The following RAD17 variants were observed in gnomAD, a reference collection of about 807,000 sequenced individuals.
RAD17 encodes the protein RAD17 checkpoint clamp loader component.
A neutral mutation model predicts 81.5 loss-of-function variants in RAD17; 31 were observed. The observed-to-expected ratio is 0.38, with a 90% CI of 0.29 to 0.51. The LOEUF is 0.51. Among genes scored for constraint, RAD17 ranks in the 20% least tolerant of loss-of-function variants. The probability of loss-of-function intolerance (pLI) is 0.88; values close to 1 mark genes in which losing one functional copy is unlikely to be tolerated. For synonymous variants in RAD17, 261 were observed against 266.2 expected (o/e 0.98, Z 0.19); for missense variants, 681 against 781.2 (o/e 0.87, Z 1.53).
At position 69,393,507 on chromosome 5, in the gene RAD17, C is replaced by T; in HGVS notation, c.1422+7C>T. On this transcript the variant is annotated splice_region_variant and intron_variant, in intron 15 of 18. Transcript: ENST00000354868. ...CCTCAGTGGTGACTGGAATGTAAGA[C>T]CATTTGACTTAAAATGTTTATGTTT... 6.3e-7 allele frequency: 1 copy of T among 1,587,518 alleles called. No individual in the cohort carries two copies. The highest frequency in any genetic ancestry group is 1.2e-5 in the South Asian group (1 of 85,968).
chr5:69,386,117 TA>T (rs760067981), intron 9 of RAD17, 22 bp downstream of exon 9: 2 of 1,602,756 alleles, frequency 1.2e-6, no homozygotes, highest in South Asian at 2.3e-5. Context: ...TGAAGTATTC[TA>T]AAACTCCAAA....
At chr5:69,414,004 T>C in intron 18 of RAD17, 27 bp from the exon 19 acceptor site, 2 of 1,607,358 alleles carry the variant, frequency 1.2e-6, no homozygotes, top group Non-Finnish European at 1.7e-6. Context: ...TTGGTTCTTA[T>C]TAATGCCTGC....
Position 69,374,723 on chromosome 5 carries a change from A to AGT in RAD17, c.351+12_351+13insGT. ...GGCAACCAAAACAGGTAACTAAGAA[A>AGT]TGTGTTTTTAAATATTTAACATCAA... is the stretch of plus-strand genomic sequence containing the variant. On this transcript the variant is annotated intron_variant, in intron 6 of 18. Transcript: ENST00000354868. 6.3e-7 allele frequency: 1 copy of AGT among 1,579,426 alleles called. No homozygotes were observed. Among genetic ancestry groups the AGT allele is most frequent in the Non-Finnish European group, 8.7e-7 (1 of 1,154,852 alleles).
chr5:69,399,656 G>A (rs1241857354), intron 16 of RAD17, among the ~76,000 whole-genome samples: 1 of 149,856 alleles, frequency 6.7e-6, no homozygotes, highest in Non-Finnish European at 1.5e-5. Context: ...TTGAAGGCAG[G>A]GATTGTGCTT....
At chr5:69,394,621 A>G (rs552759785) in intron 15 of RAD17, among the ~76,000 whole-genome samples, 1 of 152,306 alleles carries the variant, frequency 6.6e-6, no homozygotes, top group South Asian at 2.1e-4. Flanking sequence ...TTCCTCAGTC[A>G]TACTAGCCAC....
chr5:69,372,564 T>G (rs1027893052), intron 4 of RAD17, among the ~76,000 whole-genome samples: 1 of 152,164 alleles, frequency 6.6e-6, no homozygotes, highest in African/African-American at 2.4e-5. Flanking sequence ...TAGTAAAAAT[T>G]TCTAATTTCT....
chr5:69,379,908 T>G (rs1763741572), intron 6 of RAD17, among the ~76,000 whole-genome samples: 1 of 151,944 alleles, frequency 6.6e-6, no homozygotes, highest in Non-Finnish European at 1.5e-5. Flanking sequence ...TTGACAGAGT[T>G]TCACTCTTGT....
At chr5:69,394,826 C>T (rs955964587) in intron 15 of RAD17, among the ~76,000 whole-genome samples, 10 of 152,092 alleles carry the variant, frequency 6.6e-5, no homozygotes, top group Non-Finnish European at 1.3e-4. Flanking sequence ...TTAAGGAGGC[C>T]GAGGCAGGTG....
chr5:69,369,535 T>C (rs755470324), upstream of RAD17: 5 of 1,610,982 alleles, frequency 3.1e-6, no homozygotes, highest in Non-Finnish European at 4.2e-6. Context: ...ACGTGCCCTT[T>C]GCTCTACAGG....
chr5:69,377,811 G>T (rs1763610505), intron 6 of RAD17, among the ~76,000 whole-genome samples: 1 of 151,042 alleles, frequency 6.6e-6, no homozygotes, highest in African/African-American at 2.4e-5. Flanking sequence ...TTTAGAGACA[G>T]GGTCTTGCTA....
chr5:69,389,653 T>A (rs1385607166), intron 12 of RAD17, among the ~76,000 whole-genome samples: 1 of 152,238 alleles, frequency 6.6e-6, no homozygotes, highest in African/African-American at 2.4e-5. Flanking sequence ...TATTATTATT[T>A]ATTTTGAGAC....
chr5:69,369,603 C>T, upstream of RAD17: 1 of 1,585,886 alleles, frequency 6.3e-7, no homozygotes, highest in Admixed American at 1.8e-5. Flanking sequence ...GCCCCGAAGC[C>T]CACCGCGGCG....
At chr5:69,386,772 A>C (rs1764237687) in intron 11 of RAD17, among the ~76,000 whole-genome samples, 1 of 152,150 alleles carries the variant, frequency 6.6e-6, no homozygotes, top group Non-Finnish European at 1.5e-5. Context: ...TCAACAATTC[A>C]ACTCTTCCTA....
intron 6 of RAD17, among the ~76,000 whole-genome samples, chr5:69,377,794 T>C (rs1466337586): frequency 2.0e-5 from 3 of 150,818 alleles, no homozygotes; most frequent in Non-Finnish European, 4.4e-5. Flanking sequence ...TATTTGTTTA[T>C]TAATTTTTTA....
chr5:69,390,822 G>T (rs1764508040), intron 12 of RAD17, among the ~76,000 whole-genome samples: 1 of 151,608 alleles, frequency 6.6e-6, no homozygotes, highest in Non-Finnish European at 1.5e-5. Context: ...AGCCAGCATG[G>T]TGGTGCATGT....
intron 6 of RAD17, among the ~76,000 whole-genome samples, chr5:69,375,823 TCTTAGG>T (rs1017022541): frequency 6.6e-5 from 10 of 151,890 alleles, no homozygotes; most frequent in African/African-American, 2.4e-4. Flanking sequence ...CTGTTATATA[TCTTAGG>T]CCTTTTTTTT....
intron 7 of RAD17, among the ~76,000 whole-genome samples, chr5:69,383,372 TTATTATTAC>T (rs1024442579): frequency 3.3e-5 from 5 of 151,392 alleles, no homozygotes; most frequent in African/African-American, 9.7e-5. Context: ...TTCTTTATTA[TTATTATTAC>T]TATTATTATT....
Position 69,414,190 on chromosome 5 carries a change from T to C in RAD17, c.1911T>C (p.Asn637=). The C allele has an allele frequency of 1.2e-6, 2 of 1,614,260 alleles. No homozygotes were observed. Among genetic ancestry groups the C allele is most frequent in the South Asian group, 1.1e-5 (1 of 91,086 alleles). ...PETWSLPLSQ[N]SASELPASQP... ...CCTGGTCTCTTCCTTTGAGTCAGAA[T>C]AGTGCCAGTGAACTGCCTGCTAGCC... is the stretch of plus-strand genomic sequence containing the variant. Residue 637 remains asparagine (N), a synonymous_variant, in exon 19 of 19, where the codon AAT becomes AAC. Transcript: ENST00000354868.
At position 69,377,055 on chromosome 5, in the gene RAD17, A is replaced by G. The variant is rs184505567; in HGVS notation, c.351+2344A>G. Among the ~76,000 whole-genome samples the G allele has an allele frequency of 2.6e-3, 401 of 152,116 alleles. 1 individual carries two copies. Among genetic ancestry groups the G allele is most frequent in the African/African-American group, 9.4e-3 (390 of 41,504 alleles). On this transcript the variant is annotated intron_variant, in intron 6 of 18. Coordinates refer to ENST00000354868, the MANE Select transcript of RAD17 (RefSeq NM_133338.3). ...AGGTGTGAGTCATCACGCCCAGCCA[A>G]TCCTCCTCTCTTGAACCAAGCTCCT...
Sources: allele counts gnomAD v4.1 joint callset (sites outside exome capture counted in the v4.1 genomes callset), GRCh38; gene constraint gnomAD v4.1.1; transcripts MANE v1.5; gene names NCBI Gene and HGNC (gene_info 2026-07-23, HGNC 2026-07-21).